The following IL1RAPL2 variants were observed in gnomAD, a reference collection of about 807,000 sequenced individuals.
The protein encoded by IL1RAPL2 is interleukin 1 receptor accessory protein like 2.
A neutral mutation model predicts 44.1 loss-of-function variants in IL1RAPL2; 3 were observed. That is an observed-to-expected ratio of 0.07 (90% confidence interval 0.03 to 0.18). The LOEUF (loss-of-function observed/expected upper bound fraction) is 0.18, where lower values mean the gene tolerates loss of function less well. Among genes scored for constraint, IL1RAPL2 ranks in the 10% least tolerant of loss-of-function variants. IL1RAPL2 has a pLI of 1.00. For missense variants in IL1RAPL2, 391 were observed against 496.4 expected, an observed-to-expected ratio of 0.79 and a Z score of 2.02; for synonymous variants, 181 against 178.8, an observed-to-expected ratio of 1.01 and a Z score of -0.10.
intron 2 of IL1RAPL2, among the ~76,000 whole-genome samples, chrX:104,927,812 T>C (rs1210372933): frequency 1.8e-5 from 2 of 111,643 alleles, no homozygotes; most frequent in African/African-American, 6.5e-5. Flanking sequence ...GGCGTTTTGT[T>C]TTCTATTACC....
At chrX:104,972,455 A>G (rs1196648194) in intron 2 of IL1RAPL2, among the ~76,000 whole-genome samples, 1 of 111,791 alleles carries the variant, frequency 8.9e-6, no homozygotes, top group South Asian at 3.8e-4. Context: ...CCTAACAAGT[A>G]GGGAGTTTTG....
chrX:105,733,432 T>C (rs1322550140), intron 7 of IL1RAPL2, among the ~76,000 whole-genome samples: 1 of 111,449 alleles, frequency 9.0e-6, no homozygotes, highest in Non-Finnish European at 1.9e-5. Context: ...TAGAAAATTT[T>C]CCAAGCTTAT....
At chrX:105,333,878 C>T (rs2035007441) in intron 5 of IL1RAPL2, among the ~76,000 whole-genome samples, 1 of 111,716 alleles carries the variant, frequency 9.0e-6, no homozygotes, top group Admixed American at 9.5e-5. Flanking sequence ...ATAGCAAATG[C>T]TGGAAAGAAT....
chrX:104,714,383 T>C (rs192985445), intron 2 of IL1RAPL2, among the ~76,000 whole-genome samples: 8 of 110,847 alleles, frequency 7.2e-5, no homozygotes, highest in Admixed American at 5.8e-4. Context: ...GTGGAAAAAA[T>C]TGAATCATGG....
chrX:104,968,036 T>C (rs2030160955), intron 2 of IL1RAPL2, among the ~76,000 whole-genome samples: 1 of 111,619 alleles, frequency 9.0e-6, no homozygotes. Context: ...ATATTCCAAA[T>C]TTCTTTTCTA....
intron 2 of IL1RAPL2, among the ~76,000 whole-genome samples, chrX:105,115,333 G>C (rs887373499): frequency 9.0e-6 from 1 of 111,497 alleles, no homozygotes; most frequent in African/African-American, 3.3e-5. Context: ...GACCAGAACC[G>C]GTTGCCACTG....
At chrX:104,990,191 C>T (rs1259982842) in intron 2 of IL1RAPL2, among the ~76,000 whole-genome samples, 1 of 112,223 alleles carries the variant, frequency 8.9e-6, no homozygotes, top group Non-Finnish European at 1.9e-5. Flanking sequence ...TATCTCTTCA[C>T]TCAGAAAGTT....
At chrX:105,075,958 G>A (rs76967826) in intron 2 of IL1RAPL2, among the ~76,000 whole-genome samples, 8 of 111,088 alleles carry the variant, frequency 7.2e-5, no homozygotes, top group East Asian at 2.8e-4. Flanking sequence ...TCTTGCTAGC[G>A]GTCAATCAAT....
intron 6 of IL1RAPL2, among the ~76,000 whole-genome samples, chrX:105,598,006 C>T (rs1164650282): frequency 1.8e-5 from 2 of 111,071 alleles, no homozygotes; most frequent in Non-Finnish European, 3.8e-5. Flanking sequence ...ACATGTACCC[C>T]CATGTTCATT....
At chrX:105,038,613 G>C (rs909526389) in intron 2 of IL1RAPL2, among the ~76,000 whole-genome samples, 4 of 110,058 alleles carry the variant, frequency 3.6e-5, no homozygotes, top group African/African-American at 1.3e-4. Flanking sequence ...TGCATGTCTC[G>C]GAGGTTTTGG....
chrX:104,865,670 G>C (rs1027064792), intron 2 of IL1RAPL2, among the ~76,000 whole-genome samples: 16 of 112,416 alleles, frequency 1.4e-4, no homozygotes, highest in African/African-American at 3.2e-5. Context: ...GGAATGAGAA[G>C]ACTTGCTGAG....
intron 2 of IL1RAPL2, among the ~76,000 whole-genome samples, chrX:104,831,790 C>T (rs766941819): frequency 9.0e-6 from 1 of 111,452 alleles, no homozygotes; most frequent in Admixed American, 9.6e-5. Flanking sequence ...AAAGCCATTG[C>T]GGGTAGCTTT....
In IL1RAPL2 at chrX:105,416,727, G is replaced by A. The variant is rs780790351; in HGVS notation, c.698-67586G>A. ...CTCTCCGTAGCCTTCCTGTATTAAA[G>A]AGGAAAGATAAGAGCTCTTTTCTCA... On this transcript the variant is annotated intron_variant, in intron 5 of 10. Transcript: ENST00000372582. Among the ~76,000 whole-genome samples the A allele has an allele frequency of 2.7e-5, 3 of 111,669 alleles. No individual in the cohort carries two copies. In the South Asian group the frequency reaches 1.1e-3, roughly 42 times the overall value.
chrX:105,438,056 C>T (rs1236017700), intron 5 of IL1RAPL2, among the ~76,000 whole-genome samples: 1 of 111,578 alleles, frequency 9.0e-6, no homozygotes, highest in African/African-American at 3.3e-5. Flanking sequence ...TAAATATTCC[C>T]ATTTCATCAA....
chrX:105,308,272 C>G (rs1741713), intron 5 of IL1RAPL2, among the ~76,000 whole-genome samples: 1 of 110,987 alleles, frequency 9.0e-6, no homozygotes, highest in East Asian at 2.8e-4. Flanking sequence ...ATGCAGAAAC[C>G]TGTTTTAGAA....
intron 1 of IL1RAPL2, among the ~76,000 whole-genome samples, chrX:104,621,849 CAATG>C (rs1014197376): frequency 9.0e-6 from 1 of 111,569 alleles, no homozygotes; most frequent in Non-Finnish European, 1.9e-5. Context: ...CATATGCTGT[CAATG>C]GATGGAGTGT....
chrX:104,669,260 C>A (rs1487077664), intron 2 of IL1RAPL2, among the ~76,000 whole-genome samples: 1 of 111,629 alleles, frequency 9.0e-6, no homozygotes, highest in South Asian at 3.8e-4. Context: ...CAGACTGATA[C>A]ACTGAAACAC....
chrX:105,522,042 C>A (rs771535201), intron 6 of IL1RAPL2, among the ~76,000 whole-genome samples: 1 of 111,974 alleles, frequency 8.9e-6, no homozygotes, highest in African/African-American at 3.2e-5. Context: ...ACAGCCTTCC[C>A]TAACATATAT....
chrX:104,983,158 T>C (rs999747059), intron 2 of IL1RAPL2, among the ~76,000 whole-genome samples: 5 of 109,400 alleles, frequency 4.6e-5, no homozygotes, highest in African/African-American at 1.7e-4. Flanking sequence ...CTACTAACTT[T>C]CTACTCATTG....
Sources: gnomAD v4.1 joint callset for allele counts (sites outside exome capture counted in the v4.1 genomes callset) on GRCh38, gnomAD v4.1.1 for gene constraint, MANE v1.5 for transcripts, NCBI Gene and HGNC (gene_info 2026-07-23, HGNC 2026-07-21) for gene names.